The following RASAL2 variants were observed in gnomAD, a reference collection of about 807,000 sequenced individuals.
RASAL2 encodes ras GTPase-activating protein nGAP.
A neutral mutation model predicts 128.9 loss-of-function variants in RASAL2; 58 were observed. That is an observed-to-expected ratio of 0.45 (90% CI 0.36 to 0.56). RASAL2 has a LOEUF of 0.56. RASAL2 is among the 20% of genes least tolerant of loss of function. The pLI is 0.00. For synonymous variants in RASAL2, 561 were observed against 580.8 expected (o/e 0.97, Z 0.49); for missense variants, 1,360 against 1,601.6 (o/e 0.85, Z 2.57).
intron 8 of RASAL2, among the ~76,000 whole-genome samples, chr1:178,444,020 C>G (rs1391121582): frequency 6.6e-6 from 1 of 151,982 alleles, no homozygotes; most frequent in Admixed American, 6.6e-5. Context: ...TCAATATATT[C>G]AATATTTAGT....
intron 1 of RASAL2, among the ~76,000 whole-genome samples, chr1:178,143,451 A>T (rs915099837): frequency 1.4e-4 from 22 of 151,914 alleles, no homozygotes; most frequent in African/African-American, 4.6e-4. Context: ...AAGCAGATTT[A>T]AAAAAAACCC....
intron 12 of RASAL2, among the ~76,000 whole-genome samples, chr1:178,455,792 C>T (rs373335242): frequency 6.6e-6 from 1 of 152,074 alleles, no homozygotes; most frequent in African/African-American, 2.4e-5. Flanking sequence ...GGCAGCTATG[C>T]CAAACTGACT....
At chr1:178,405,027 TC>T (rs1014870058) in intron 4 of RASAL2, among the ~76,000 whole-genome samples, 15 of 152,170 alleles carry the variant, frequency 9.9e-5, no homozygotes, top group African/African-American at 3.6e-4. Context: ...ATTTCACCTT[TC>T]AGTCTGACAG....
At chr1:178,226,561 C>A (rs1307010612) in intron 1 of RASAL2, among the ~76,000 whole-genome samples, 2 of 152,266 alleles carry the variant, frequency 1.3e-5, no homozygotes, top group South Asian at 4.1e-4. Flanking sequence ...TTGTACTACA[C>A]AATTGATATT....
rs1648165269 is a variant in RASAL2 at position 178,470,630 on chromosome 1, G to C, written c.3679-2445G>C. 5 of 1,284,272 alleles carry C rather than the reference G, an allele frequency of 3.9e-6. No homozygotes were observed. In the South Asian group the frequency reaches 6.1e-5, roughly 16 times the overall value. 79.6% of individuals were successfully genotyped at this position (1,284,272 alleles called of 1,614,324 possible). On this transcript the variant is annotated intron_variant, in intron 17 of 17. Coordinates refer to ENST00000367649, the MANE Select transcript of RASAL2 (RefSeq NM_170692.4). ...AGAACAGAGAAGGGCTTCCTCCTAT[G>C]AGAAGCAAAAGCAGCTGCCTAGTTA... is the stretch of plus-strand genomic sequence containing the variant.
At chr1:178,263,006 A>G (rs1341974755) in intron 1 of RASAL2, among the ~76,000 whole-genome samples, 1 of 152,146 alleles carries the variant, frequency 6.6e-6, no homozygotes, top group African/African-American at 2.4e-5. Context: ...GATTTTTGGC[A>G]CAGCAATATA....
rs749913097 is a variant in RASAL2 at position 178,464,310 on chromosome 1, C to G, written c.3285C>G (p.Ser1095=). Residue 1095 remains serine (S), a synonymous_variant, in exon 15 of 18, where the codon TCC becomes TCG. Coordinates refer to ENST00000367649, the MANE Select transcript of RASAL2 (RefSeq NM_170692.4). ...CACCTGTGGACTCTGCCACAATGTCCCCAGTAGAGAGGACAGCAGCCTGGG... is the reference window on the plus strand; with the variant it reads ...CACCTGTGGACTCTGCCACAATGTCGCCAGTAGAGAGGACAGCAGCCTGGG... ...VQSPVDSATM[S]PVERTAAWVL... is the part of the protein sequence containing the mutation. The G allele has an allele frequency of 4.3e-6, 7 of 1,613,356 alleles. No individual in the cohort carries two copies. The Admixed American group carries it at 1.2e-4, about 27-fold the overall frequency.
rs1332879913 is a variant in RASAL2 at position 178,094,467 on chromosome 1, T to A, written c.-26T>A. 6.5e-7 allele frequency: 1 copy of A among 1,526,826 alleles called. No individual in the cohort carries two copies. The highest frequency in any genetic ancestry group is 2.5e-5 in the East Asian group (1 of 40,334). 94.6% of individuals were successfully genotyped at this position (1,526,826 alleles called of 1,614,324 possible). On this transcript the variant is annotated 5_prime_UTR_variant, in exon 1 of 18. Transcript: ENST00000367649. ...GCCAGCCCGCCCCGAAGCCGCCGCCTCGTCCCCCTCCCGCCTCGGGGCACC... is the reference window on the plus strand; with the variant it reads ...GCCAGCCCGCCCCGAAGCCGCCGCCACGTCCCCCTCCCGCCTCGGGGCACC...
intron 4 of RASAL2, among the ~76,000 whole-genome samples, chr1:178,398,535 T>C (rs1445194915): frequency 6.6e-6 from 1 of 152,182 alleles, no homozygotes; most frequent in African/African-American, 2.4e-5. Flanking sequence ...TATATTTGTA[T>C]ATCAATGCAA....
chr1:178,123,474 G>A lies in RASAL2; in HGVS notation c.202+28780G>A, dbSNP rs143488898. Among the ~76,000 whole-genome samples the A allele has an allele frequency of 4.6e-5, 7 of 152,296 alleles. 2 individuals carry two copies. In the East Asian group the frequency reaches 1.4e-3, roughly 29 times the overall value. On this transcript the variant is annotated intron_variant, in intron 1 of 17. Transcript: ENST00000367649. ...AATTTTTGTTTAACCAAAGTAGAAA[G>A]TACTGTAATGCTTCTAAAAACTACA...
intron 1 of RASAL2, among the ~76,000 whole-genome samples, chr1:178,140,657 T>TA (rs1378907730): frequency 6.6e-6 from 1 of 152,184 alleles, no homozygotes; most frequent in Non-Finnish European, 1.5e-5. Context: ...ATAGCTCATT[T>TA]AAAAAAACCA....
chr1:178,125,988 A>G (rs1009922874), intron 1 of RASAL2, among the ~76,000 whole-genome samples: 2 of 152,220 alleles, frequency 1.3e-5, no homozygotes, highest in African/African-American at 4.8e-5. Context: ...ACAGATAGTT[A>G]TAATAACTGA....
At chr1:178,178,996 T>C (rs1661987003) in intron 1 of RASAL2, among the ~76,000 whole-genome samples, 1 of 152,166 alleles carries the variant, frequency 6.6e-6, no homozygotes, top group African/African-American at 2.4e-5. Flanking sequence ...CTAAGTGCCT[T>C]TTATGTGACT....
intron 3 of RASAL2, among the ~76,000 whole-genome samples, chr1:178,326,206 A>T (rs189498835): frequency 1.3e-5 from 2 of 152,176 alleles, no homozygotes; most frequent in Non-Finnish European, 2.9e-5. Flanking sequence ...TCATGTACCC[A>T]TGTAAAAGGC....
chr1:178,298,843 A>T (rs528366053), intron 2 of RASAL2, among the ~76,000 whole-genome samples: 4 of 152,006 alleles, frequency 2.6e-5, no homozygotes, highest in Non-Finnish European at 5.9e-5. Context: ...ACTATTTAGG[A>T]TGTTACAATT....
chr1:178,189,840 G>A (rs986792494), intron 1 of RASAL2, among the ~76,000 whole-genome samples: 2 of 152,066 alleles, frequency 1.3e-5, no homozygotes, highest in East Asian at 1.9e-4. Flanking sequence ...AGCAGTCCAC[G>A]AATGTAATTT....
At chr1:178,331,221 C>G (rs1407042076) in intron 3 of RASAL2, among the ~76,000 whole-genome samples, 2 of 152,054 alleles carry the variant, frequency 1.3e-5, no homozygotes, top group Non-Finnish European at 2.9e-5. Flanking sequence ...GCTCTGTCAC[C>G]CAGGCCAAGA....
chr1:178,177,721 A>G (rs1342493706), intron 1 of RASAL2, among the ~76,000 whole-genome samples: 1 of 152,178 alleles, frequency 6.6e-6, no homozygotes, highest in African/African-American at 2.4e-5. Flanking sequence ...GGAAGGGGAT[A>G]ATGCTGAGCC....
chr1:178,103,802 T>C (rs1446765029), intron 1 of RASAL2, among the ~76,000 whole-genome samples: 1 of 152,086 alleles, frequency 6.6e-6, no homozygotes, highest in Non-Finnish European at 1.5e-5. Flanking sequence ...CAGTTGCCAG[T>C]ATTTTCATTT....
Sources: allele counts gnomAD v4.1 joint callset (sites outside exome capture counted in the v4.1 genomes callset), GRCh38; gene constraint gnomAD v4.1.1; transcripts MANE v1.5; gene names NCBI Gene and HGNC (gene_info 2026-07-23, HGNC 2026-07-21).